Variants in MYL10 observed in about 807,000 individuals in gnomAD.
MYL10 encodes the protein myosin light chain 10.
Under a neutral mutation model 21.9 loss-of-function variants are expected in MYL10, and 18 were observed. The observed-to-expected ratio is 0.82, with a 90% CI of 0.57 to 1.22. MYL10 has a LOEUF of 1.22. Among genes scored for constraint, MYL10 ranks in the 50% most tolerant of loss-of-function variants. MYL10 has a pLI of 0.00. For missense variants in MYL10, 225 were observed against 230.4 expected, an observed-to-expected ratio of 0.98 and a Z score of 0.15; for synonymous variants, 88 against 82.8, an observed-to-expected ratio of 1.06 and a Z score of -0.34.
chr7:101,626,729 C>G (rs1796751212), intron 1 of MYL10, among the ~76,000 whole-genome samples: 1 of 152,194 alleles, frequency 6.6e-6, no homozygotes, highest in Non-Finnish European at 1.5e-5. Flanking sequence ...GCCCCCAGGC[C>G]CTGCCCACCT....
rs921311644 is a variant in MYL10 at position 101,622,219 on chromosome 7, G to C, written c.350-19C>G. The stretch of plus-strand genomic sequence containing the variant: ...ATGCGGCCTGTGGGAGGTGAGAGGT[G>C]GGGGCAGGGAGGATAAGAGAGATCA... On this transcript the variant is annotated intron_variant, in intron 4 of 7. Transcript: ENST00000223167. 1.9e-6 allele frequency: 3 copies of C among 1,592,544 alleles called. No homozygotes were observed. Among genetic ancestry groups the C allele is most frequent in the African/African-American group, 1.3e-5 (1 of 74,454 alleles).
intron 5 of MYL10, among the ~76,000 whole-genome samples, chr7:101,618,479 C>A (rs992142535): frequency 6.6e-6 from 1 of 152,238 alleles, no homozygotes; most frequent in Non-Finnish European, 1.5e-5. Flanking sequence ...CCCCTGCGGA[C>A]AATGCACATG....
chr7:101,618,173 G>GC (rs1437548888), intron 5 of MYL10, among the ~76,000 whole-genome samples: 1 of 152,228 alleles, frequency 6.6e-6, no homozygotes, highest in Non-Finnish European at 1.5e-5. Flanking sequence ...AGAGGGCAGC[G>GC]CCATGGACTG....
intron 5 of MYL10, among the ~76,000 whole-genome samples, chr7:101,621,806 A>G (rs1796681051): frequency 6.6e-6 from 1 of 152,028 alleles, no homozygotes; most frequent in African/African-American, 2.4e-5. Flanking sequence ...GGCTGGTCTC[A>G]AACTCCTGGA....
chr7:101,628,718 G>C (rs1796773985), intron 1 of MYL10, among the ~76,000 whole-genome samples: 1 of 152,190 alleles, frequency 6.6e-6, no homozygotes. Context: ...CTGAACAGCT[G>C]CCAGGGCCGG....
intron 5 of MYL10, 68 bp from the exon 6 acceptor site, chr7:101,616,366 G>T: frequency 7.6e-7 from 1 of 1,316,764 alleles, no homozygotes; most frequent in Non-Finnish European, 1.1e-6. Flanking sequence ...CAGGCACAAG[G>T]CTGGGCAGGG....
chr7:101,626,832 G>A (rs1273454210), intron 1 of MYL10, among the ~76,000 whole-genome samples: 2 of 152,202 alleles, frequency 1.3e-5, no homozygotes, highest in African/African-American at 4.8e-5. Context: ...GTGGAGAGGA[G>A]TCCCGAGTGG....
intron 1 of MYL10, among the ~76,000 whole-genome samples, chr7:101,626,867 A>G (rs1334487608): frequency 1.3e-5 from 2 of 152,188 alleles, no homozygotes; most frequent in Non-Finnish European, 2.9e-5. Context: ...TGGGATCAAG[A>G]GCAAAGAGCA....
intron 1 of MYL10, among the ~76,000 whole-genome samples, chr7:101,626,297 G>A (rs2130745025): frequency 6.6e-6 from 1 of 152,330 alleles, no homozygotes; most frequent in Non-Finnish European, 1.5e-5. Flanking sequence ...CCGTCCTGGG[G>A]ACCCAGGGCT....
chr7:101,613,406 G>T lies in MYL10; in HGVS notation c.*69C>A. ...AGCCTTTTTCCTGCAGCCTCTGGCT[G>T]CAAGAGCTCCCTGTCACACCCCACA... On this transcript the variant is annotated 3_prime_UTR_variant, in exon 8 of 8. Transcript: ENST00000223167. The T allele has an allele frequency of 7.4e-7, 1 of 1,360,180 alleles. No individual in the cohort carries two copies. Among genetic ancestry groups the T allele is most frequent in the Non-Finnish European group, 1.1e-6 (1 of 951,984 alleles). The allele number at this position is 1,360,180 out of a possible 1,614,324, so 84.3% of individuals were successfully genotyped here.
intron 1 of MYL10, among the ~76,000 whole-genome samples, chr7:101,624,781 G>A (rs765953300): frequency 2.0e-5 from 3 of 151,918 alleles, no homozygotes; most frequent in African/African-American, 4.8e-5. Context: ...CCCTCCCAGC[G>A]TTTGCCCCTG....
chr7:101,627,789 GAC>G (rs1019506676), intron 1 of MYL10, among the ~76,000 whole-genome samples: 1 of 152,254 alleles, frequency 6.6e-6, no homozygotes, highest in Non-Finnish European at 1.5e-5. Flanking sequence ...TTTGGCCAAG[GAC>G]ACAGAGTAAG....
intron 5 of MYL10, among the ~76,000 whole-genome samples, chr7:101,618,732 A>T (rs4727503): frequency 1.3e-5 from 2 of 152,148 alleles, no homozygotes; most frequent in African/African-American, 4.8e-5. Flanking sequence ...CCCTCCCACC[A>T]GCCTCTCACG....
At chr7:101,626,886 C>T (rs1796752685) in intron 1 of MYL10, among the ~76,000 whole-genome samples, 1 of 152,186 alleles carries the variant, frequency 6.6e-6, no homozygotes, top group Non-Finnish European at 1.5e-5. Context: ...CAGGTCAGAC[C>T]AGGGACAACA....
chr7:101,620,601 G>C (rs12536066), intron 5 of MYL10, among the ~76,000 whole-genome samples: 7,286 of 152,132 alleles, frequency 0.048, 383 homozygotes, highest in African/African-American at 0.12. Flanking sequence ...AAAAAACTGA[G>C]GCCAGAAAGC....
chr7:101,620,596 A>T (rs1796666341), intron 5 of MYL10, among the ~76,000 whole-genome samples: 2 of 152,258 alleles, frequency 1.3e-5, no homozygotes, highest in Non-Finnish European at 2.9e-5. Flanking sequence ...AGACCAAAAA[A>T]CTGAGGCCAG....
intron 6 of MYL10, among the ~76,000 whole-genome samples, chr7:101,615,681 T>TG (rs1284459806): frequency 7.0e-6 from 1 of 143,302 alleles, no homozygotes; most frequent in Non-Finnish European, 1.5e-5. Flanking sequence ...TCTCCTGGAG[T>TG]GACCCACCAC....
chr7:101,627,226 G>A (rs1796756572), intron 1 of MYL10, among the ~76,000 whole-genome samples: 1 of 152,040 alleles, frequency 6.6e-6, no homozygotes, highest in Admixed American at 6.5e-5. Flanking sequence ...TCGAAGCCAG[G>A]AGGTGGAGGT....
intron 1 of MYL10, among the ~76,000 whole-genome samples, chr7:101,628,199 A>T (rs1468980092): frequency 6.6e-6 from 1 of 152,226 alleles, no homozygotes; most frequent in Non-Finnish European, 1.5e-5. Context: ...CACGCCTGTA[A>T]TCCCAGAGCT....
Sources: gnomAD v4.1 joint callset for allele counts (sites outside exome capture counted in the v4.1 genomes callset) on GRCh38, gnomAD v4.1.1 for gene constraint, MANE v1.5 for transcripts, NCBI Gene and HGNC (gene_info 2026-07-23, HGNC 2026-07-21) for gene names.